Variants in SEM1 observed in about 807,000 individuals in gnomAD.
The protein encoded by SEM1 is SEM1 26S proteasome subunit.
In SEM1, 3 loss-of-function variants were observed where a neutral mutation model predicts 12.7. That is an observed-to-expected ratio of 0.24 (90% confidence interval 0.11 to 0.61). SEM1 has a LOEUF of 0.61. SEM1 is among the 20% of genes least tolerant of loss of function. The probability of loss-of-function intolerance (pLI) is 0.88; values close to 1 mark genes in which losing one functional copy is unlikely to be tolerated. For missense variants in SEM1, 59 were observed against 81.3 expected (o/e 0.73, Z 1.06); for synonymous variants, 30 against 27.8 (o/e 1.08, Z -0.25).
chr7:96,534,730 A>G (rs1563050273), intron 2 of SEM1, among the ~76,000 whole-genome samples: 1 of 152,094 alleles, frequency 6.6e-6, no homozygotes. Context: ...GATGGAATGC[A>G]GAAGCAAATG....
At chr7:96,696,886 A>G (rs760506318) in intron 1 of SEM1, 10 of 151,992 alleles carry the variant, frequency 6.6e-5, no homozygotes, top group Non-Finnish European at 1.3e-4. Flanking sequence ...ATTGTGTTTT[A>G]ATTTTCAACT....
intron 2 of SEM1, among the ~76,000 whole-genome samples, chr7:96,659,758 T>C (rs1788924939): frequency 6.6e-6 from 1 of 151,426 alleles, no homozygotes; most frequent in African/African-American, 2.4e-5. Context: ...TCAAGGGTGA[T>C]CACTAAAACA....
rs573792122 is a variant in SEM1 at position 96,673,923 on chromosome 7, T to C, written c.171-64A>G. ...CAAGCCACTGTGATCTGTGGGCTGC[T>C]TGACCACAGCATAAGCCTGGCCCAT... On this transcript the variant is annotated intron_variant, in intron 2 of 2. Transcript: ENST00000413065. 6.7e-6 allele frequency: 5 copies of C among 744,954 alleles called. No individual in the cohort carries two copies. In the Admixed American group the frequency reaches 7.2e-5, roughly 11 times the overall value. 46.1% of individuals were successfully genotyped at this position (744,954 alleles called of 1,614,324 possible). A position where few individuals can be genotyped will look rare whatever the true frequency, so the allele number is the denominator to read the frequency against.
intron 2 of SEM1, among the ~76,000 whole-genome samples, chr7:96,659,524 C>G (rs1406162285): frequency 6.6e-6 from 1 of 152,032 alleles, no homozygotes; most frequent in African/African-American, 2.4e-5. Flanking sequence ...CTGAGAGACA[C>G]AAGAGGAAAA....
At chr7:96,483,732 G>A in exon 4 of SEM1, 3 of 1,249,930 alleles carry the variant, frequency 2.4e-6, no homozygotes, top group Non-Finnish European at 3.4e-6. Flanking sequence ...CACACAGAAA[G>A]CTAGGAAGTA....
At chr7:96,597,142 T>TG in intron 2 of SEM1, among the ~76,000 whole-genome samples, 1 of 152,204 alleles carries the variant, frequency 6.6e-6, no homozygotes, top group East Asian at 1.9e-4. Flanking sequence ...CCACTGAGCA[T>TG]ACTGTCATAG....
At chr7:96,701,432 G>C (rs1319675042) in intron 1 of SEM1, among the ~76,000 whole-genome samples, 2 of 152,062 alleles carry the variant, frequency 1.3e-5, no homozygotes, top group East Asian at 3.9e-4. Context: ...GCAGCCTTGT[G>C]CAAGGCAGGA....
chr7:96,487,707 C>A (rs1019640986), intron 1 of SEM1, among the ~76,000 whole-genome samples: 1 of 150,178 alleles, frequency 6.7e-6, no homozygotes, highest in Non-Finnish European at 1.5e-5. Context: ...AAAAATGAGG[C>A]CTGTCAACTC....
Position 96,485,536 on chromosome 7 carries a change from CTTTTTTTTTTTT to C in SEM1, c.227+655_227+666del, listed in dbSNP as rs61088450. ...AAGCTAATCTTCCCATCTCTACATT[CTTTTTTTTTTTT>C]TTTTTTTTTTTTGAGGTGGAGTCTC... is the stretch of plus-strand genomic sequence containing the variant. On this transcript the variant is annotated intron_variant, in intron 2 of 3. Coordinates refer to the SEM1 transcript ENST00000356686. Among the ~76,000 whole-genome samples the C allele has an allele frequency of 1.2e-3, 92 of 76,714 alleles. 2 individuals are homozygous for C. The highest frequency in any genetic ancestry group is 1.7e-3 in the Admixed American group (9 of 5,270). 50.3% of individuals were successfully genotyped at this position (76,714 alleles called of 152,430 possible).
chr7:96,521,880 A>G (rs569318586), intron 2 of SEM1, among the ~76,000 whole-genome samples: 1 of 152,218 alleles, frequency 6.6e-6, no homozygotes, highest in South Asian at 2.1e-4. Flanking sequence ...GCAAATGTAG[A>G]TAGGAGAGTC....
At chr7:96,615,686 C>A (rs778291779) in intron 2 of SEM1, among the ~76,000 whole-genome samples, 22 of 152,008 alleles carry the variant, frequency 1.4e-4, no homozygotes, top group Non-Finnish European at 2.9e-4. Flanking sequence ...TTAATATACC[C>A]ATAACCCACA....
At chr7:96,686,490 T>C (rs956957439), downstream of SEM1, among the ~76,000 whole-genome samples, 1 of 152,160 alleles carries the variant, frequency 6.6e-6, no homozygotes, top group African/African-American at 2.4e-5. Flanking sequence ...AATCTGACAC[T>C]GTTAGGGTGA....
chr7:96,575,578 C>T (rs1484668011), intron 2 of SEM1, among the ~76,000 whole-genome samples: 1 of 152,194 alleles, frequency 6.6e-6, no homozygotes, highest in Non-Finnish European at 1.5e-5. Flanking sequence ...GCCACCCCTT[C>T]CCCCAGGTGC....
At chr7:96,616,987 C>A (rs1266263622) in intron 2 of SEM1, among the ~76,000 whole-genome samples, 1 of 152,096 alleles carries the variant, frequency 6.6e-6, no homozygotes, top group Admixed American at 6.5e-5. Context: ...TGTAATGCCT[C>A]CAGCTTAGTT....
downstream of SEM1, among the ~76,000 whole-genome samples, chr7:96,670,165 T>TAAA (rs1789277402): frequency 6.6e-6 from 1 of 152,210 alleles, no homozygotes; most frequent in Non-Finnish European, 1.5e-5. Flanking sequence ...TCTACAATTT[T>TAAA]ATTACTAATA....
At chr7:96,555,067 G>A (rs1022074780) in intron 2 of SEM1, among the ~76,000 whole-genome samples, 28 of 150,588 alleles carry the variant, frequency 1.9e-4, no homozygotes, top group Admixed American at 8.6e-4. Flanking sequence ...TTTTTATTGC[G>A]TCTATTTGAT....
intron 2 of SEM1, among the ~76,000 whole-genome samples, chr7:96,676,632 T>C (rs1563108393): frequency 6.6e-6 from 1 of 152,192 alleles, no homozygotes; most frequent in African/African-American, 2.4e-5. Context: ...TTGAGAGATA[T>C]CACGGAACGG....
intron 2 of SEM1, among the ~76,000 whole-genome samples, chr7:96,607,959 G>T (rs181129867): frequency 6.6e-6 from 1 of 152,280 alleles, no homozygotes; most frequent in African/African-American, 2.4e-5. Flanking sequence ...TAGAGAAATT[G>T]CCTCTCCCCT....
chr7:96,675,711 A>G (rs1327316054), intron 2 of SEM1, among the ~76,000 whole-genome samples: 1 of 152,132 alleles, frequency 6.6e-6, no homozygotes, highest in Non-Finnish European at 1.5e-5. Flanking sequence ...GCTCCCTGTT[A>G]TAGCCAGGGG....
Sources: allele counts gnomAD v4.1 joint callset (sites outside exome capture counted in the v4.1 genomes callset), GRCh38; gene constraint gnomAD v4.1.1; transcripts MANE v1.5; gene names NCBI Gene and HGNC (gene_info 2026-07-23, HGNC 2026-07-21).